PRKAR1A: variants seen among roughly 807,000 people sequenced by gnomAD.
PRKAR1A encodes protein kinase cAMP-dependent type I regulatory subunit alpha.
In PRKAR1A, 3 loss-of-function variants were observed where a neutral mutation model predicts 52.0. That is an observed-to-expected ratio of 0.06 (90% confidence interval 0.03 to 0.15). The LOEUF is 0.15. Among genes scored for constraint, PRKAR1A ranks in the 10% least tolerant of loss-of-function variants. The probability of loss-of-function intolerance (pLI) is 1.00; values close to 1 mark genes in which losing one functional copy is unlikely to be tolerated. For synonymous variants in PRKAR1A, 188 were observed against 168.4 expected (o/e 1.12, Z -0.90); for missense variants, 240 against 477.4 (o/e 0.50, Z 4.63).
the PRKAR1A span, among the ~76,000 whole-genome samples, chr17:68,481,972 C>T: frequency 6.6e-6 from 1 of 152,174 alleles, no homozygotes; most frequent in African/African-American, 2.4e-5. Flanking sequence ...GGAAGAAATG[C>T]CCTACCTTTA....
chr17:68,428,919 C>T, the PRKAR1A span: 17 of 1,613,810 alleles, frequency 1.1e-5, no homozygotes, highest in East Asian at 8.9e-5. Context: ...AACTAGCAGC[C>T]GTGGCAACTT....
Position 68,529,304 on chromosome 17 carries a change from A to G in PRKAR1A, c.891+313A>G, listed in dbSNP as rs548182881. On this transcript the variant is annotated intron_variant, in intron 9 of 10. Coordinates refer to ENST00000589228, the MANE Select transcript of PRKAR1A (RefSeq NM_002734.5). ...GTGATGATTCTGCACTATTCTTGTT[A>G]AAATGCAAGTGTTTGGGCTATTTGG... Among the ~76,000 whole-genome samples the G allele has an allele frequency of 1.4e-4, 21 of 152,326 alleles. No individual in the cohort carries two copies. In the South Asian group the frequency reaches 3.9e-3, roughly 29 times the overall value.
chr17:68,464,827 C>T, the PRKAR1A span, among the ~76,000 whole-genome samples: 2 of 152,074 alleles, frequency 1.3e-5, no homozygotes, highest in Non-Finnish European at 2.9e-5. Context: ...TGATCACTTC[C>T]TATTATGAAA....
chr17:68,468,814 AT>A, the PRKAR1A span, among the ~76,000 whole-genome samples: 1 of 152,086 alleles, frequency 6.6e-6, no homozygotes, highest in Non-Finnish European at 1.5e-5. Flanking sequence ...TCCAGAGACT[AT>A]TTACATGCTG....
the PRKAR1A span, chr17:68,425,918 G>C: frequency 1.6e-6 from 1 of 643,674 alleles, no homozygotes; most frequent in Admixed American, 2.7e-5. Context: ...GAAGCACACA[G>C]TACAACAAAT....
chr17:68,489,316 G>GTATATATATATATATATGGAAAGTA, the PRKAR1A span, among the ~76,000 whole-genome samples: 1 of 26,184 alleles, frequency 3.8e-5, no homozygotes, highest in African/African-American at 1.9e-4. Flanking sequence ...TATATGGAAA[G>GTATATATATATATATATGGAAAGTA]TATATATATA....
the PRKAR1A span, among the ~76,000 whole-genome samples, chr17:68,502,580 C>T: frequency 3.3e-5 from 5 of 151,880 alleles, no homozygotes; most frequent in South Asian, 6.3e-4. Flanking sequence ...GTGAAACCCC[C>T]GTCTCTACTA....
intron 2 of PRKAR1A, among the ~76,000 whole-genome samples, chr17:68,517,358 A>G (rs1372309649): frequency 6.6e-6 from 1 of 152,204 alleles, no homozygotes; most frequent in Non-Finnish European, 1.5e-5. Flanking sequence ...CATGCTGCTA[A>G]TAAAGACATA....
the PRKAR1A span, among the ~76,000 whole-genome samples, chr17:68,482,937 A>T: frequency 6.6e-6 from 1 of 152,224 alleles, no homozygotes; most frequent in Non-Finnish European, 1.5e-5. Flanking sequence ...TCATATCTGG[A>T]TGTGGCTAAT....
chr17:68,426,735 A>G, the PRKAR1A span, among the ~76,000 whole-genome samples: 1 of 152,112 alleles, frequency 6.6e-6, no homozygotes, highest in Admixed American at 6.6e-5. Flanking sequence ...GGGTTTCACC[A>G]TGTTGGCTAG....
At chr17:68,494,832 A>G in the PRKAR1A span, among the ~76,000 whole-genome samples, 2 of 152,162 alleles carry the variant, frequency 1.3e-5, no homozygotes, top group Admixed American at 6.5e-5. Flanking sequence ...TCGACACCAC[A>G]TGGAACAGAA....
chr17:68,516,705 T>C (rs2085446034), intron 2 of PRKAR1A, among the ~76,000 whole-genome samples: 1 of 150,386 alleles, frequency 6.6e-6, no homozygotes, highest in South Asian at 2.1e-4. Context: ...AAAATTTGTA[T>C]TTAGTACCAT....
chr17:68,541,423 C>T (rs1052762732), intron 11 of PRKAR1A: 2 of 213,254 alleles, frequency 9.4e-6, no homozygotes, highest in African/African-American at 4.6e-5. Flanking sequence ...TCACAGAGTC[C>T]CTTAGGATCT....
Position 68,524,899 on chromosome 17 carries a change from T to A in PRKAR1A, c.503-13T>A, listed in dbSNP as rs1179772927. 1 of 1,598,974 alleles carries A rather than the reference T, an allele frequency of 6.3e-7. No homozygotes were observed. The highest frequency in any genetic ancestry group is 1.1e-5 in the South Asian group (1 of 90,744). On this transcript the variant is annotated splice_polypyrimidine_tract_variant and intron_variant, in intron 5 of 10. Transcript: ENST00000589228. Reference sequence around the variant, plus strand: ...ATTTGGAATATGCTTCTAACTTTTTTACCCTCTTTTAGGTGATGAAGGGGA... The same window carrying A: ...ATTTGGAATATGCTTCTAACTTTTTAACCCTCTTTTAGGTGATGAAGGGGA...
the PRKAR1A span, among the ~76,000 whole-genome samples, chr17:68,435,990 T>C: frequency 6.6e-6 from 1 of 152,254 alleles, no homozygotes; most frequent in Non-Finnish European, 1.5e-5. Context: ...AGGCGCGCCC[T>C]GCACGCATCT....
chr17:68,494,671 A>G, the PRKAR1A span, among the ~76,000 whole-genome samples: 2 of 152,084 alleles, frequency 1.3e-5, no homozygotes, highest in African/African-American at 4.8e-5. Flanking sequence ...ACCACTGTGG[A>G]AAAGTTGGAT....
chr17:68,525,512 T>G (rs1037293812), intron 6 of PRKAR1A, among the ~76,000 whole-genome samples: 1 of 152,312 alleles, frequency 6.6e-6, no homozygotes, highest in Middle Eastern at 3.4e-3. Flanking sequence ...CTTTTTCCCT[T>G]ACATCCTTAC....
chr17:68,422,666 T>C, the PRKAR1A span: 2 of 143,826 alleles, frequency 1.4e-5, no homozygotes, highest in Admixed American at 7.4e-5. Context: ...GAGGTGGAGG[T>C]TGCAGTGAGT....
At chr17:68,520,948 A>G (rs1457818098) in intron 2 of PRKAR1A, among the ~76,000 whole-genome samples, 1 of 151,842 alleles carries the variant, frequency 6.6e-6, no homozygotes, top group South Asian at 2.1e-4. Flanking sequence ...TTTTATTTTT[A>G]TTATTATTTT....
Sources: allele counts gnomAD v4.1 joint callset (sites outside exome capture counted in the v4.1 genomes callset), GRCh38; gene constraint gnomAD v4.1.1; transcripts MANE v1.5; gene names NCBI Gene and HGNC (gene_info 2026-07-23, HGNC 2026-07-21).